The following CUTC variants were observed in gnomAD, a reference collection of about 807,000 sequenced individuals.
The protein encoded by CUTC is copper homeostasis protein cutC homolog.
A neutral mutation model predicts 36.2 loss-of-function variants in CUTC; 27 were observed. The ratio of observed to expected loss-of-function variants is 0.75; its 90% CI spans 0.55 to 1.03. CUTC has a LOEUF of 1.03. Among genes scored for constraint, CUTC ranks in the 50% least tolerant of loss-of-function variants. The pLI is 0.00. For missense variants in CUTC, 315 were observed against 343.5 expected, an observed-to-expected ratio of 0.92 and a Z score of 0.66; for synonymous variants, 114 against 118.3, an observed-to-expected ratio of 0.96 and a Z score of 0.24.
At position 99,754,569 on chromosome 10, in the gene CUTC, G is replaced by T. The variant is rs1174459694; in HGVS notation, c.642G>T (p.Glu214Asp). The change falls in exon 8 of 9, where the codon GAG (glutamate) becomes GAT (aspartate). Residue 214 changes from glutamate to aspartate, a missense_variant. Glu to Asp is a conservative substitution (Grantham distance 45, BLOSUM62 2). Coordinates refer to ENST00000370476, the MANE Select transcript of CUTC (RefSeq NM_015960.3). The part of the protein sequence containing the change: ...ITDRNLQRIL[E>D]GSGATEFHCS... ...ACAGAAATCTACAAAGGATCCTTGA[G>T]GGTTCAGGTGCTACAGAATTCCACT... 1 of 1,613,666 alleles carries T rather than the reference G, an allele frequency of 6.2e-7. No homozygotes were observed. The highest frequency in any genetic ancestry group is 8.5e-7 in the Non-Finnish European group (1 of 1,179,786).
intron 1 of CUTC, 126 bp from the exon 2 acceptor site, chr10:99,736,120 A>C: frequency 1.5e-6 from 1 of 686,188 alleles, no homozygotes; most frequent in Non-Finnish European, 2.6e-6. Flanking sequence ...CATGGGCCCT[A>C]GTGTACTTAT....
chr10:99,750,397 G>A lies in CUTC; in HGVS notation c.601+1G>A. On this transcript the variant is annotated splice_donor_variant, in intron 7 of 8. Transcript: ENST00000370476. LOFTEE classifies it high-confidence loss of function. ...AAAGGCAGGATTGTGGTAATGCCAG[G>A]TATTTATTTATCTATCAATTCACTA... 6.3e-7 allele frequency: 1 copy of A among 1,585,568 alleles called. No homozygotes were observed. The highest frequency in any genetic ancestry group is 1.8e-5 in the Admixed American group (1 of 55,218).
At chr10:99,734,830 T>C (rs1422828822) in intron 1 of CUTC, among the ~76,000 whole-genome samples, 1 of 152,066 alleles carries the variant, frequency 6.6e-6, no homozygotes, top group Non-Finnish European at 1.5e-5. Context: ...AGGCCAGACG[T>C]GGTGGCTCAT....
intron 5 of CUTC, 141 bp from the exon 6 acceptor site, chr10:99,747,116 A>T (rs1020787966): frequency 1.1e-6 from 1 of 879,856 alleles, no homozygotes; most frequent in African/African-American, 1.7e-5. Flanking sequence ...TCTGACTTGC[A>T]GAATTCTTGA....
In CUTC at chr10:99,747,388, C is replaced by CAGGT; in HGVS notation, c.573_573+3dup. ...ACCCCTAATAAAGCGACTCATTGAG[C>CAGGT]AGGTACGTGGACTTTATCTTTTTTT... On this transcript the variant is annotated frameshift_variant and splice_region_variant, in exon 6 of 9. Transcript: ENST00000370476. LOFTEE classifies it high-confidence loss of function. 6.2e-7 allele frequency: 1 copy of CAGGT among 1,614,102 alleles called. No homozygotes were observed. Among genetic ancestry groups the CAGGT allele is most frequent in the Non-Finnish European group, 8.5e-7 (1 of 1,179,986 alleles).
intron 5 of CUTC, among the ~76,000 whole-genome samples, chr10:99,745,853 T>C (rs1222891960): frequency 6.6e-6 from 1 of 152,140 alleles, no homozygotes; most frequent in African/African-American, 2.4e-5. Context: ...CAAGACTGCA[T>C]CTCACAAACA....
chr10:99,741,703 T>TA (rs1458946642), intron 3 of CUTC, among the ~76,000 whole-genome samples: 3 of 152,164 alleles, frequency 2.0e-5, no homozygotes, highest in Non-Finnish European at 4.4e-5. Context: ...TAGCTAGGAT[T>TA]ACAGGCATAT....
At chr10:99,749,651 A>T (rs1380711191) in intron 6 of CUTC, among the ~76,000 whole-genome samples, 1 of 152,068 alleles carries the variant, frequency 6.6e-6, no homozygotes, top group Non-Finnish European at 1.5e-5. Flanking sequence ...TGTTTTATGG[A>T]TGCTTTGTTC....
At position 99,756,035 on chromosome 10, in the gene CUTC, A is replaced by C; in HGVS notation, c.*296A>C. On this transcript the variant is annotated 3_prime_UTR_variant, in exon 9 of 9. Coordinates refer to ENST00000370476, the MANE Select transcript of CUTC (RefSeq NM_015960.3). ...GTGGAATTAATTGATGAACTGGGAA[A>C]ATTTTAACTGCATGGTATGAATTCA... 1 of 294,570 alleles carries C rather than the reference A, an allele frequency of 3.4e-6. No individual in the cohort carries two copies. The allele number at this position is 294,570 out of a possible 1,614,324, so 18.2% of individuals were successfully genotyped here.
intron 8 of CUTC, 97 bp downstream of exon 8, chr10:99,754,731 G>A: frequency 1.3e-6 from 1 of 788,368 alleles, no homozygotes; most frequent in Non-Finnish European, 2.2e-6. Flanking sequence ...ATTAATCAAT[G>A]GAATATTGTG....
chr10:99,747,286 G>A lies in CUTC; in HGVS notation c.469G>A (p.Ala157Thr), dbSNP rs1407013889. The A allele has an allele frequency of 6.2e-7, 1 of 1,614,034 alleles. No homozygotes were observed. Among genetic ancestry groups the A allele is most frequent in the African/African-American group, 1.3e-5 (1 of 74,924 alleles). Residue 157 changes from alanine (A) to threonine (T), a missense_variant, in exon 6 of 9, where the codon GCT (alanine) becomes ACT (threonine). Coordinates refer to ENST00000370476, the MANE Select transcript of CUTC (RefSeq NM_015960.3). ...TGACATGGTTCATGATCCAATGGCA[G>A]CTCTGGAGACCCTCTTAACCTTGGG... The part of the protein sequence containing the change: ...AFDMVHDPMA[A>T]LETLLTLGFE...
intron 1 of CUTC, among the ~76,000 whole-genome samples, chr10:99,736,008 C>T (rs1427027325): frequency 2.0e-5 from 3 of 152,142 alleles, no homozygotes; most frequent in Non-Finnish European, 4.4e-5. Context: ...ATTTGGCATT[C>T]GATAGACATT....
chr10:99,753,567 A>G (rs2037434523), intron 7 of CUTC, among the ~76,000 whole-genome samples: 1 of 152,012 alleles, frequency 6.6e-6, no homozygotes, highest in African/African-American at 2.4e-5. Flanking sequence ...CCACCACCAC[A>G]TCCAGCTAAT....
At chr10:99,736,960 T>G (rs1347452523) in intron 2 of CUTC, among the ~76,000 whole-genome samples, 1 of 152,114 alleles carries the variant, frequency 6.6e-6, no homozygotes, top group South Asian at 2.1e-4. Flanking sequence ...CTTATTTTAT[T>G]TTTAAATCTT....
In CUTC at chr10:99,754,516, T is replaced by C. The variant is rs377188340; in HGVS notation, c.602-13T>C. The C allele has an allele frequency of 2.6e-6, 4 of 1,534,586 alleles. No individual in the cohort carries two copies. In the African/African-American group the frequency reaches 5.5e-5, roughly 21 times the overall value. On this transcript the variant is annotated splice_polypyrimidine_tract_variant and intron_variant, in intron 7 of 8. Coordinates refer to ENST00000370476, the MANE Select transcript of CUTC (RefSeq NM_015960.3). ...TCTATTTTACTTAATGTGTTACTTA[T>C]TCTTTGCAACAGGAGGTGGTATAAC...
At chr10:99,733,871 C>T (rs2037263331) in intron 1 of CUTC, among the ~76,000 whole-genome samples, 1 of 152,080 alleles carries the variant, frequency 6.6e-6, no homozygotes, top group Non-Finnish European at 1.5e-5. Flanking sequence ...TTATACATCT[C>T]TCCATCTTCT....
chr10:99,750,445 A>G (rs1204479451), intron 7 of CUTC, 49 bp downstream of exon 7: 4 of 1,472,968 alleles, frequency 2.7e-6, no homozygotes, highest in South Asian at 2.5e-5. Context: ...ACTATAGTGG[A>G]GGAAGAGCAA....
In CUTC at chr10:99,755,844, C is replaced by T; in HGVS notation, c.*105C>T. On this transcript the variant is annotated 3_prime_UTR_variant, in exon 9 of 9. Transcript: ENST00000370476. The stretch of plus-strand genomic sequence containing the variant: ...CCTTCTTCTCTGGCCAGGACAGTCG[C>T]AATCTTTGTTTTAAGTTTCACATGG... The T allele has an allele frequency of 1.4e-6, 1 of 697,660 alleles. No homozygotes were observed. The highest frequency in any genetic ancestry group is 2.7e-5 in the East Asian group (1 of 37,144). The allele number at this position is 697,660 out of a possible 1,614,324, so 43.2% of individuals were successfully genotyped here.
intron 1 of CUTC, 39 bp downstream of exon 1, chr10:99,732,448 G>T (rs1464557779): frequency 1.3e-6 from 2 of 1,548,090 alleles, no homozygotes; most frequent in East Asian, 4.9e-5. Context: ...TCGGCCGAAG[G>T]CTCCCCGGGG....
Sources: allele counts gnomAD v4.1 joint callset (sites outside exome capture counted in the v4.1 genomes callset), GRCh38; gene constraint gnomAD v4.1.1; transcripts MANE v1.5; gene names NCBI Gene and HGNC (gene_info 2026-07-23, HGNC 2026-07-21).